Variants in SH3RF3 observed in about 807,000 individuals in gnomAD.
SH3RF3 encodes SH3 domain containing ring finger 3, also known as E3 ubiquitin-protein ligase SH3RF3.
In SH3RF3, 29 loss-of-function variants were observed where a neutral mutation model predicts 66.3. The ratio of observed to expected loss-of-function variants is 0.44; its 90% confidence interval spans 0.33 to 0.60. The LOEUF is 0.60. SH3RF3 is among the 20% of genes least tolerant of loss of function. The probability of loss-of-function intolerance (pLI) is 0.04; values close to 1 mark genes in which losing one functional copy is unlikely to be tolerated. For missense variants in SH3RF3, 1,194 were observed against 1,190.9 expected (o/e 1.00, Z -0.04); for synonymous variants, 583 against 532.0 (o/e 1.10, Z -1.32).
intron 3 of SH3RF3, among the ~76,000 whole-genome samples, chr2:109,387,931 C>T (rs182651566): frequency 2.8e-4 from 42 of 152,220 alleles, no homozygotes; most frequent in Admixed American, 2.3e-3. Context: ...TGCTCCCACA[C>T]TGGCCCAGAT....
At chr2:109,140,354 T>A (rs1347218094) in intron 1 of SH3RF3, among the ~76,000 whole-genome samples, 1 of 152,156 alleles carries the variant, frequency 6.6e-6, no homozygotes, top group Non-Finnish European at 1.5e-5. Context: ...ATGTTCTTTT[T>A]CTATTTTTCC....
At chr2:109,349,173 G>A (rs938650926) in intron 2 of SH3RF3, among the ~76,000 whole-genome samples, 17 of 152,194 alleles carry the variant, frequency 1.1e-4, no homozygotes, top group African/African-American at 2.7e-4. Flanking sequence ...GCTCGAGGTG[G>A]CACTCTCTGG....
At chr2:109,143,846 A>G (rs940143114) in intron 1 of SH3RF3, among the ~76,000 whole-genome samples, 29 of 152,134 alleles carry the variant, frequency 1.9e-4, no homozygotes, top group Admixed American at 2.6e-4. Context: ...ATATACACAA[A>G]CAATGGAATA....
chr2:109,240,806 T>C (rs1371780871), intron 1 of SH3RF3, among the ~76,000 whole-genome samples: 2 of 152,088 alleles, frequency 1.3e-5, no homozygotes, highest in Non-Finnish European at 2.9e-5. Flanking sequence ...TTCTCTTCTC[T>C]TCTAAGGTTA....
chr2:109,449,227 G>T lies in SH3RF3; in HGVS notation c.1886G>T (p.Arg629Leu), dbSNP rs199983346. The T allele has an allele frequency of 1.2e-6, 2 of 1,613,302 alleles. No individual in the cohort carries two copies. Among genetic ancestry groups the T allele is most frequent in the Middle Eastern group, 1.7e-4 (1 of 6,060 alleles). Residue 629 changes from arginine to leucine, a missense_variant, in exon 8 of 10, where the codon CGC becomes CTC. Transcript: ENST00000309415. ...CCAACTGCCACCGTGTCACCCCTGC[G>T]CACCCAGAACTCTCCATCCCGCCTG... ...DRPTATVSPL[R>L]TQNSPSRLPA...
At chr2:109,210,543 G>A (rs2105104778) in intron 1 of SH3RF3, among the ~76,000 whole-genome samples, 1 of 152,290 alleles carries the variant, frequency 6.6e-6, no homozygotes, top group African/African-American at 2.4e-5. Flanking sequence ...GACATCTGGG[G>A]CTTTCAAGAG....
At chr2:109,472,091 TATTA>T (rs1245222085) in intron 8 of SH3RF3, among the ~76,000 whole-genome samples, 21 of 152,236 alleles carry the variant, frequency 1.4e-4, no homozygotes, top group Non-Finnish European at 2.6e-4. Context: ...CTTTTCTAAT[TATTA>T]ATTAGATTGT....
At chr2:109,273,443 C>T (rs535797770) in intron 1 of SH3RF3, among the ~76,000 whole-genome samples, 3 of 152,230 alleles carry the variant, frequency 2.0e-5, no homozygotes, top group Admixed American at 6.5e-5. Flanking sequence ...AGGAGGTGTG[C>T]GGGGCTGGGC....
chr2:109,199,366 AATG>A, intron 1 of SH3RF3, among the ~76,000 whole-genome samples: 1 of 50,220 alleles, frequency 2.0e-5, no homozygotes, highest in Non-Finnish European at 5.0e-5. Flanking sequence ...AATGGAATGG[AATG>A]GAATGGAATG....
chr2:109,458,572 C>CAGAGAGAGAGAGAGAGAGAGAGAGAGAG (rs70958708), intron 8 of SH3RF3, among the ~76,000 whole-genome samples: 4,509 of 122,668 alleles, frequency 0.037, 626 homozygotes, highest in Non-Finnish European at 0.044. Context: ...CAGCAGGAGA[C>CAGAGAGAGAGAGAGAGAGAGAGAGAGAG]AGAGAGAGAG....
chr2:109,375,694 C>T (rs1260885364), intron 3 of SH3RF3, among the ~76,000 whole-genome samples: 1 of 152,272 alleles, frequency 6.6e-6, no homozygotes, highest in African/African-American at 2.4e-5. Flanking sequence ...ATCCAGAGTT[C>T]TGCCCTCTCT....
At chr2:109,130,145 G>A (rs1196822030) in intron 1 of SH3RF3, 32 bp downstream of exon 1, 85 of 1,277,804 alleles carry the variant, frequency 6.7e-5, no homozygotes, top group Non-Finnish European at 8.1e-5. Flanking sequence ...AGTGGCCACG[G>A]CACGTGGGAG....
chr2:109,226,950 G>T (rs939068679), intron 1 of SH3RF3, among the ~76,000 whole-genome samples: 10 of 152,168 alleles, frequency 6.6e-5, no homozygotes, highest in African/African-American at 2.4e-4. Context: ...CACCATGGCC[G>T]GGTTCATGGC....
intron 1 of SH3RF3, among the ~76,000 whole-genome samples, chr2:109,174,189 TG>T (rs1677866135): frequency 6.6e-6 from 1 of 152,236 alleles, no homozygotes; most frequent in African/African-American, 2.4e-5. Context: ...AAGGTAGCCA[TG>T]GATGTCCCTG....
At chr2:109,288,634 T>C (rs536064546) in intron 1 of SH3RF3, among the ~76,000 whole-genome samples, 7 of 152,254 alleles carry the variant, frequency 4.6e-5, no homozygotes, top group Non-Finnish European at 8.8e-5. Context: ...CAAGTCATTG[T>C]CACCCAAGGA....
chr2:109,324,668 C>G (rs1447256632), intron 1 of SH3RF3, among the ~76,000 whole-genome samples: 1 of 152,230 alleles, frequency 6.6e-6, no homozygotes, highest in African/African-American at 2.4e-5. Context: ...TCCTGGAACT[C>G]CTTTCTCCTG....
At chr2:109,336,637 A>T (rs974199934) in intron 1 of SH3RF3, among the ~76,000 whole-genome samples, 2 of 152,214 alleles carry the variant, frequency 1.3e-5, no homozygotes, top group African/African-American at 4.8e-5. Context: ...CCAGGAGAGC[A>T]TTTGTTTGTT....
intron 8 of SH3RF3, among the ~76,000 whole-genome samples, chr2:109,452,786 T>TC (rs1324234310): frequency 7.4e-5 from 11 of 149,156 alleles, no homozygotes; most frequent in Non-Finnish European, 1.2e-4. Context: ...AGGAGGCTGG[T>TC]CCCTGGGAGG....
At chr2:109,441,953 CA>C (rs35306950) in intron 7 of SH3RF3, among the ~76,000 whole-genome samples, 102,720 of 151,584 alleles carry the variant, frequency 0.68, 35,171 homozygotes, top group African/African-American at 0.75. Context: ...AAATATCTTT[CA>C]AAAAAAAAGC....
Sources: allele counts gnomAD v4.1 joint callset (sites outside exome capture counted in the v4.1 genomes callset), GRCh38; gene constraint gnomAD v4.1.1; transcripts MANE v1.5; gene names NCBI Gene and HGNC (gene_info 2026-07-23, HGNC 2026-07-21).